Variants in ZNF124 observed in about 807,000 individuals in gnomAD.
ZNF124 encodes zinc finger protein 124.
In ZNF124, 25 loss-of-function variants were observed where a neutral mutation model predicts 26.6. That is an observed-to-expected ratio of 0.94 (90% confidence interval 0.68 to 1.31). The LOEUF is 1.31. ZNF124 is among the 40% of genes most tolerant of loss of function. The pLI, the probability that ZNF124 is intolerant of heterozygous loss-of-function variation, is 0.00. For missense variants in ZNF124, 444 were observed against 422.2 expected (o/e 1.05, Z -0.45); for synonymous variants, 129 against 133.3 (o/e 0.97, Z 0.22).
rs1291869978 is a variant in ZNF124 at position 247,155,365 on chromosome 1, A to G, written c.*1201T>C. On this transcript the variant is annotated 3_prime_UTR_variant, in exon 4 of 4. Transcript: ENST00000543802. ...GTGTAACCCACAAAATTTTTAAAAA[A>G]TTTTAAAAATATTTTATACTTTAAA... Among the ~76,000 whole-genome samples, 5 of 151,834 alleles carry G rather than the reference A, an allele frequency of 3.3e-5. No individual in the cohort carries two copies. The highest frequency in any genetic ancestry group is 7.4e-5 in the Non-Finnish European group (5 of 68,004).
Position 247,156,821 on chromosome 1 carries a change from A to G in ZNF124, c.801T>C (p.Cys267=). Residue 267 remains cysteine, a synonymous_variant, in exon 4 of 4, where the codon TGT becomes TGC. Coordinates refer to ENST00000543802, the MANE Select transcript of ZNF124 (RefSeq NM_001297568.2). ...AACTGGCGTATCTGAAGGCTTTCCCACATTGCTTACATGGATAGGGTTCTT... is the reference window on the plus strand; with the variant it reads ...AACTGGCGTATCTGAAGGCTTTCCCGCATTGCTTACATGGATAGGGTTCTT... ...AGEEPYPCKQ[C]GKAFRYASSL... The G allele has an allele frequency of 6.2e-7, 1 of 1,614,182 alleles. No homozygotes were observed. The highest frequency in any genetic ancestry group is 8.5e-7 in the Non-Finnish European group (1 of 1,180,010).
downstream of ZNF124, among the ~76,000 whole-genome samples, chr1:247,150,679 A>T (rs1478551038): frequency 6.6e-6 from 1 of 152,106 alleles, no homozygotes; most frequent in Non-Finnish European, 1.5e-5. Flanking sequence ...ATAAAATTCT[A>T]TTAAAATTAA....
At chr1:247,150,879 G>A (rs1416702751), downstream of ZNF124, among the ~76,000 whole-genome samples, 1 of 146,272 alleles carries the variant, frequency 6.8e-6, no homozygotes, top group Admixed American at 6.9e-5. Flanking sequence ...TTAATATACT[G>A]GGAAAAATAA....
At chr1:247,160,273 C>A (rs61837910) in intron 1 of ZNF124, among the ~76,000 whole-genome samples, 1 of 152,156 alleles carries the variant, frequency 6.6e-6, no homozygotes, top group Non-Finnish European at 1.5e-5. Context: ...CGTGAGCCAC[C>A]GCGCTCAGCC....
chr1:247,165,946 G>A (rs866010313), intron 1 of ZNF124, among the ~76,000 whole-genome samples: 19 of 152,312 alleles, frequency 1.2e-4, no homozygotes, highest in South Asian at 1.0e-3. Flanking sequence ...AGGAGGTTGA[G>A]GCAGGAGGAT....
In ZNF124 at chr1:247,157,079, C is replaced by T; in HGVS notation, c.543G>A (p.Lys181=). Residue 181 remains lysine (K), a synonymous_variant, in exon 4 of 4, where the codon AAG becomes AAA. Transcript: ENST00000543802. ...IHTGEKRYEC[K]QCGKAFSRSS... is the part of the protein sequence containing the mutation. ...AACGACTGAAGGCTTTCCCACATTG[C>T]TTACATTCATAGCGTTTTTCTCCAG... 6.2e-7 allele frequency: 1 copy of T among 1,614,096 alleles called. No homozygotes were observed. Among genetic ancestry groups the T allele is most frequent in the Non-Finnish European group, 8.5e-7 (1 of 1,180,006 alleles).
intron 3 of ZNF124, among the ~76,000 whole-genome samples, chr1:247,125,430 CTTTTTTTTTTTTTTT>C (rs71566695): frequency 1.4e-4 from 6 of 43,296 alleles, no homozygotes; most frequent in African/African-American, 3.3e-4. Context: ...CTGTTTTTGT[CTTTTTTTTTTTTTTT>C]TTTTTTTTTT....
intron 3 of ZNF124, among the ~76,000 whole-genome samples, chr1:247,125,683 C>CGG: frequency 6.6e-6 from 1 of 151,026 alleles, no homozygotes; most frequent in South Asian, 2.1e-4. Flanking sequence ...GCGCCGGCGC[C>CGG]GATTAAAGGC....
At chr1:247,161,127 G>A (rs183143152) in intron 1 of ZNF124, among the ~76,000 whole-genome samples, 19 of 152,232 alleles carry the variant, frequency 1.2e-4, no homozygotes, top group Admixed American at 3.3e-4. Flanking sequence ...CCTAACAACC[G>A]TCAAAGTCTT....
chr1:247,134,551 G>A (rs1288438919), intron 3 of ZNF124, among the ~76,000 whole-genome samples: 3 of 152,292 alleles, frequency 2.0e-5, no homozygotes, highest in African/African-American at 4.8e-5. Flanking sequence ...AACAGGAAGA[G>A]CTAACTATTC....
At chr1:247,165,580 A>G (rs773249872) in intron 1 of ZNF124, among the ~76,000 whole-genome samples, 1 of 152,218 alleles carries the variant, frequency 6.6e-6, no homozygotes, top group Non-Finnish European at 1.5e-5. Flanking sequence ...ATTAAACTAA[A>G]GAACTTCTTC....
At chr1:247,172,296 TATG>T (rs1335727897), upstream of ZNF124, among the ~76,000 whole-genome samples, 26 of 152,076 alleles carry the variant, frequency 1.7e-4, 1 homozygote, top group Non-Finnish European at 3.5e-4. Flanking sequence ...GAATAATATA[TATG>T]ATATTTAAAA....
chr1:247,127,754 C>T (rs1287807204), intron 3 of ZNF124, among the ~76,000 whole-genome samples: 1 of 149,356 alleles, frequency 6.7e-6, no homozygotes. Context: ...CGCGGACCCC[C>T]TTAGAGCTGT....
rs1292310327 is a variant in ZNF124 at position 247,155,370 on chromosome 1, A to T, written c.*1196T>A. Among the ~76,000 whole-genome samples the T allele has an allele frequency of 6.6e-6, 1 of 151,702 alleles. No homozygotes were observed. The highest frequency in any genetic ancestry group is 1.5e-5 in the Non-Finnish European group (1 of 67,996). On this transcript the variant is annotated 3_prime_UTR_variant, in exon 4 of 4. Coordinates refer to ENST00000543802, the MANE Select transcript of ZNF124 (RefSeq NM_001297568.2). ...ACCCACAAAATTTTTAAAAAATTTT[A>T]AAAATATTTTATACTTTAAATATTT...
intron 3 of ZNF124, among the ~76,000 whole-genome samples, chr1:247,131,644 C>T (rs1452260140): frequency 1.3e-5 from 2 of 152,208 alleles, no homozygotes; most frequent in Non-Finnish European, 2.9e-5. Flanking sequence ...CCTGTCCCTA[C>T]AGCCCAATAC....
intron 1 of ZNF124, among the ~76,000 whole-genome samples, chr1:247,162,347 G>T (rs1013938839): frequency 5.3e-5 from 8 of 152,130 alleles, no homozygotes; most frequent in Admixed American, 6.5e-5. Flanking sequence ...CCAATCGTAT[G>T]CTGTCTTCAA....
At chr1:247,158,212 T>C (rs1053900154) in intron 3 of ZNF124, among the ~76,000 whole-genome samples, 1 of 152,140 alleles carries the variant, frequency 6.6e-6, no homozygotes, top group African/African-American at 2.4e-5. Context: ...ACTGCACCAC[T>C]GCACTCCAGT....
downstream of ZNF124, among the ~76,000 whole-genome samples, chr1:247,151,234 C>T (rs1433307717): frequency 6.6e-6 from 1 of 152,124 alleles, no homozygotes; most frequent in Non-Finnish European, 1.5e-5. Context: ...AATCCCAGCA[C>T]TTTGGGAGGT....
In ZNF124 at chr1:247,142,980, A is replaced by T. The variant is rs1672666505; in HGVS notation, c.218+16026T>A. On this transcript the variant is annotated intron_variant, in intron 3 of 3. Transcript: ENST00000472531. Reference sequence around the variant, plus strand: ...TTTTGTTCTTTGCTCTATAATTTCCATTACATACTGATTAGATAATTTTTT... The same window carrying T: ...TTTTGTTCTTTGCTCTATAATTTCCTTTACATACTGATTAGATAATTTTTT... Among the ~76,000 whole-genome samples the T allele has an allele frequency of 2.6e-5, 4 of 152,166 alleles. No individual in the cohort carries two copies. The South Asian group carries it at 8.3e-4, about 32-fold the overall frequency.
Sources: gnomAD v4.1 joint callset for allele counts (sites outside exome capture counted in the v4.1 genomes callset) on GRCh38, gnomAD v4.1.1 for gene constraint, MANE v1.5 for transcripts, NCBI Gene and HGNC (gene_info 2026-07-23, HGNC 2026-07-21) for gene names.